The following CAPSL variants were observed in gnomAD, a reference collection of about 807,000 sequenced individuals.
The protein encoded by CAPSL is calcyphosin-like protein.
A neutral mutation model predicts 21.3 loss-of-function variants in CAPSL; 17 were observed. The observed-to-expected ratio is 0.80, with a 90% CI of 0.55 to 1.20. The LOEUF (loss-of-function observed/expected upper bound fraction) is 1.20. Among genes scored for constraint, CAPSL ranks in the 50% most tolerant of loss-of-function variants. CAPSL has a pLI of 0.00. For synonymous variants in CAPSL, 102 were observed against 89.3 expected (o/e 1.14, Z -0.80); for missense variants, 289 against 259.3 (o/e 1.11, Z -0.79).
chr5:35,907,144 AC>A (rs1421081586), intron 4 of CAPSL, among the ~76,000 whole-genome samples: 1 of 152,192 alleles, frequency 6.6e-6, no homozygotes, highest in Non-Finnish European at 1.5e-5. Context: ...TGACTAGGCT[AC>A]CTTTATGTGA....
intron 1 of CAPSL, among the ~76,000 whole-genome samples, chr5:35,931,282 A>G (rs929537996): frequency 6.6e-6 from 1 of 152,062 alleles, no homozygotes; most frequent in Non-Finnish European, 1.5e-5. Flanking sequence ...TACCCCTGAG[A>G]CTCATGAGGA....
At chr5:35,936,719 T>C (rs1379625548) in intron 1 of CAPSL, among the ~76,000 whole-genome samples, 2 of 152,240 alleles carry the variant, frequency 1.3e-5, no homozygotes, top group Non-Finnish European at 2.9e-5. Context: ...CTTCACCTGC[T>C]TCTTAAGTGC....
intron 4 of CAPSL, among the ~76,000 whole-genome samples, chr5:35,905,185 C>A (rs1473276272): frequency 6.6e-6 from 1 of 152,190 alleles, no homozygotes; most frequent in Admixed American, 6.5e-5. Context: ...CTTACCCCTG[C>A]TTCATGCCTC....
chr5:35,925,496 G>C (rs1454943072), intron 1 of CAPSL, among the ~76,000 whole-genome samples: 1 of 152,128 alleles, frequency 6.6e-6, no homozygotes, highest in East Asian at 1.9e-4. Flanking sequence ...AGGTATGGGT[G>C]GCAGGGGGAG....
At chr5:35,929,347 C>A (rs558314418) in intron 1 of CAPSL, among the ~76,000 whole-genome samples, 1 of 141,742 alleles carries the variant, frequency 7.1e-6, no homozygotes, top group African/African-American at 2.6e-5. Flanking sequence ...TACAGTGGTG[C>A]GTTCTCAGCT....
intron 4 of CAPSL, among the ~76,000 whole-genome samples, chr5:35,907,627 C>T (rs535652148): frequency 7.4e-4 from 112 of 152,190 alleles, no homozygotes; most frequent in Admixed American, 1.2e-3. Context: ...CATCAAATTC[C>T]GTGACTGCTG....
chr5:35,915,370 A>G (rs901375140), intron 2 of CAPSL, among the ~76,000 whole-genome samples: 11 of 152,246 alleles, frequency 7.2e-5, no homozygotes, highest in African/African-American at 2.4e-4. Context: ...GGAGGCCAGC[A>G]TCATCCTGAT....
intron 2 of CAPSL, among the ~76,000 whole-genome samples, chr5:35,914,720 G>A (rs1438000935): frequency 6.6e-6 from 1 of 151,838 alleles, no homozygotes; most frequent in Non-Finnish European, 1.5e-5. Flanking sequence ...GTGTGTAGAG[G>A]GAAATTTATA....
At chr5:35,915,032 C>A (rs1425972603) in intron 2 of CAPSL, among the ~76,000 whole-genome samples, 1 of 152,122 alleles carries the variant, frequency 6.6e-6, no homozygotes, top group Non-Finnish European at 1.5e-5. Context: ...GGGGATATCA[C>A]CACCGATCCC....
intron 2 of CAPSL, among the ~76,000 whole-genome samples, chr5:35,911,404 T>C (rs1738220299): frequency 6.6e-6 from 1 of 152,216 alleles, no homozygotes; most frequent in Non-Finnish European, 1.5e-5. Context: ...ATCCTTGGTA[T>C]AATGTGATAA....
At chr5:35,928,335 T>A (rs1023334838) in intron 1 of CAPSL, among the ~76,000 whole-genome samples, 2 of 152,124 alleles carry the variant, frequency 1.3e-5, no homozygotes, top group Admixed American at 6.5e-5. Flanking sequence ...CACTAGGTGT[T>A]GAGTATAGCC....
intron 2 of CAPSL, 56 bp downstream of exon 2, chr5:35,920,927 AC>A: frequency 6.3e-7 from 1 of 1,582,766 alleles, no homozygotes; most frequent in African/African-American, 1.3e-5. Flanking sequence ...CATTAGCCTC[AC>A]CTGGCAGAGT....
At chr5:35,908,091 G>T (rs1443165069) in intron 4 of CAPSL, among the ~76,000 whole-genome samples, 1 of 152,196 alleles carries the variant, frequency 6.6e-6, no homozygotes, top group Non-Finnish European at 1.5e-5. Flanking sequence ...TATGCTAAAT[G>T]GGGTCATGTG....
At chr5:35,917,544 T>G (rs1319084409) in intron 2 of CAPSL, among the ~76,000 whole-genome samples, 4 of 151,970 alleles carry the variant, frequency 2.6e-5, no homozygotes, top group East Asian at 1.9e-4. Context: ...CCATAAAAAA[T>G]GATGAGTTCA....
At chr5:35,935,541 C>T (rs944391724) in intron 1 of CAPSL, among the ~76,000 whole-genome samples, 4 of 151,986 alleles carry the variant, frequency 2.6e-5, no homozygotes, top group Middle Eastern at 3.2e-3. Flanking sequence ...TGCTATGTTG[C>T]CCAGGCTGGT....
chr5:35,917,247 A>G (rs555962393), intron 2 of CAPSL, among the ~76,000 whole-genome samples: 1 of 152,330 alleles, frequency 6.6e-6, no homozygotes. Context: ...GAGAAATAGG[A>G]ACACTTTTAC....
At chr5:35,928,849 G>A (rs948336916) in intron 1 of CAPSL, among the ~76,000 whole-genome samples, 3 of 152,286 alleles carry the variant, frequency 2.0e-5, no homozygotes, top group South Asian at 2.1e-4. Flanking sequence ...TGGGACCACC[G>A]TGGGTGCTGT....
At chr5:35,914,270 C>A (rs1198849063) in intron 2 of CAPSL, among the ~76,000 whole-genome samples, 5 of 152,024 alleles carry the variant, frequency 3.3e-5, no homozygotes, top group East Asian at 1.9e-4. Context: ...GGAGACTTTA[C>A]CACCCCACTG....
At position 35,909,975 on chromosome 5, in the gene CAPSL, A is replaced by G. The variant is rs199973339; in HGVS notation, c.416T>C (p.Val139Ala). 1.2e-6 allele frequency: 2 copies of G among 1,613,790 alleles called. No homozygotes were observed. The highest frequency in any genetic ancestry group is 1.7e-5 in the Admixed American group (1 of 59,968). The stretch of plus-strand genomic sequence containing the variant: ...CTTTGGGTGGTGTTTTGCATTATAT[A>G]CTTCACGAAGGTCTTCGATTGTTAT... ...GVITIEDLRE[V>A]YNAKHHPKYQ... is the part of the protein sequence containing the mutation. Residue 139 changes from valine to alanine, a missense_variant, in exon 4 of 5, where the codon GTA becomes GCA. Transcript: ENST00000651391.
Sources: gnomAD v4.1 joint callset for allele counts (sites outside exome capture counted in the v4.1 genomes callset) on GRCh38, gnomAD v4.1.1 for gene constraint, MANE v1.5 for transcripts, NCBI Gene and HGNC (gene_info 2026-07-23, HGNC 2026-07-21) for gene names.